The following RCBTB1 variants were observed in gnomAD, a reference collection of about 807,000 sequenced individuals.
RCBTB1 encodes the protein RCC1 and BTB domain-containing protein 1.
Under a neutral mutation model 62.4 loss-of-function variants are expected in RCBTB1, and 46 were observed. The observed-to-expected ratio is 0.74, with a 90% CI of 0.58 to 0.94. The LOEUF is 0.94. RCBTB1 is among the 40% of genes least tolerant of loss of function. The pLI is 0.00. For missense variants in RCBTB1, 565 were observed against 654.9 expected (o/e 0.86, Z 1.50); for synonymous variants, 222 against 245.8 (o/e 0.90, Z 0.91).
At chr13:49,569,092 C>T (rs1254135510) in intron 2 of RCBTB1, among the ~76,000 whole-genome samples, 3 of 152,246 alleles carry the variant, frequency 2.0e-5, no homozygotes, top group Admixed American at 1.3e-4. Flanking sequence ...GTGGCAGAGT[C>T]GGGATCTGCA....
intron 2 of RCBTB1, among the ~76,000 whole-genome samples, chr13:49,568,778 A>C (rs1249028442): frequency 6.6e-6 from 1 of 152,050 alleles, no homozygotes; most frequent in Non-Finnish European, 1.5e-5. Flanking sequence ...AAAATACAAA[A>C]ATTAGCTGGG....
chr13:49,556,948 C>T (rs1327584294), intron 5 of RCBTB1, among the ~76,000 whole-genome samples: 2 of 152,156 alleles, frequency 1.3e-5, no homozygotes, highest in African/African-American at 4.8e-5. Flanking sequence ...ATCACATTCC[C>T]TTGCAGTGCT....
chr13:49,571,256 G>A (rs112387346), intron 2 of RCBTB1, among the ~76,000 whole-genome samples: 1 of 152,126 alleles, frequency 6.6e-6, no homozygotes, highest in African/African-American at 2.4e-5. Flanking sequence ...TGAGGCAGGA[G>A]AATCGCTTGA....
At chr13:49,536,769 C>T (rs147396015) in intron 12 of RCBTB1, among the ~76,000 whole-genome samples, 7 of 152,166 alleles carry the variant, frequency 4.6e-5, no homozygotes, top group Admixed American at 3.9e-4. Context: ...CTGTTTATGA[C>T]GTTATGTGGC....
chr13:49,584,937 A>G (rs1359542), intron 1 of RCBTB1, among the ~76,000 whole-genome samples: 126,955 of 152,124 alleles, frequency 0.83, 53,136 homozygotes, highest in East Asian at 0.89. Context: ...CCTGGATAAA[A>G]GTCCTCACTA....
rs911403655 is a variant in RCBTB1 at position 49,549,704 on chromosome 13, C to T, written c.855-56G>A. On this transcript the variant is annotated intron_variant, in intron 8 of 12. Coordinates refer to ENST00000378302, the MANE Select transcript of RCBTB1 (RefSeq NM_018191.4). ...TTCATGATCACAGAAGCCCACAGCA[C>T]ACCACACAAGGCAATTTAAAAGTTC... The T allele has an allele frequency of 1.3e-5, 20 of 1,546,218 alleles. No individual in the cohort carries two copies. In the Admixed American group the frequency reaches 2.1e-4, roughly 16 times the overall value.
chr13:49,540,357 A>T (rs1960252137), intron 12 of RCBTB1, among the ~76,000 whole-genome samples: 1 of 152,216 alleles, frequency 6.6e-6, no homozygotes, highest in Non-Finnish European at 1.5e-5. Context: ...TGTGAATCTC[A>T]GATTAAGAAC....
intron 12 of RCBTB1, 33 bp from the exon 13 acceptor site, chr13:49,534,295 GCT>G: frequency 6.3e-7 from 1 of 1,596,394 alleles, no homozygotes; most frequent in East Asian, 2.3e-5. Context: ...AACAAAAATG[GCT>G]TTTTTAGGCA....
intron 12 of RCBTB1, among the ~76,000 whole-genome samples, chr13:49,534,518 A>G (rs1959788215): frequency 6.6e-6 from 1 of 152,054 alleles, no homozygotes; most frequent in Admixed American, 6.5e-5. Context: ...GCGCGCGCAC[A>G]CACACACACA....
intron 6 of RCBTB1, 75 bp from the exon 7 acceptor site, chr13:49,552,360 A>C: frequency 1.2e-6 from 1 of 830,832 alleles, no homozygotes; most frequent in Non-Finnish European, 1.9e-6. Flanking sequence ...AAACCAGCCC[A>C]TCTAAACAAA....
intron 9 of RCBTB1, among the ~76,000 whole-genome samples, chr13:49,548,607 T>C (rs1961033309): frequency 6.7e-6 from 1 of 149,486 alleles, no homozygotes; most frequent in Admixed American, 6.6e-5. Context: ...ATATATATAA[T>C]GGAATATTAT....
At chr13:49,550,567 T>G (rs532787902) in intron 8 of RCBTB1, 1 of 298,590 alleles carries the variant, frequency 3.3e-6, no homozygotes, top group Non-Finnish European at 5.0e-6. Flanking sequence ...ACAGATAATG[T>G]CCTTTCAAGA....
chr13:49,534,910 T>C (rs1439123141), intron 12 of RCBTB1, among the ~76,000 whole-genome samples: 5 of 152,190 alleles, frequency 3.3e-5, no homozygotes, highest in South Asian at 2.1e-4. Context: ...GGTGGATGCC[T>C]GTAATCCCAG....
At chr13:49,562,514 CAA>C (rs55875979) in intron 4 of RCBTB1, among the ~76,000 whole-genome samples, 17,266 of 115,448 alleles carry the variant, frequency 0.15, 1,079 homozygotes, top group South Asian at 0.26. Flanking sequence ...GACCCTGTCT[CAA>C]AAAAAAAAAA....
At chr13:49,559,877 TG>T (rs775088372) in intron 5 of RCBTB1, 40 bp downstream of exon 5, 3 of 1,527,806 alleles carry the variant, frequency 2.0e-6, no homozygotes, top group Non-Finnish European at 2.7e-6. Flanking sequence ...TTTACTATGA[TG>T]AAAAAAAAAA....
intron 2 of RCBTB1, among the ~76,000 whole-genome samples, chr13:49,574,530 GT>G (rs1407129237): frequency 6.6e-6 from 1 of 152,152 alleles, no homozygotes; most frequent in Non-Finnish European, 1.5e-5. Context: ...GCTGTTAGAA[GT>G]TTTAAGATGT....
At chr13:49,536,248 T>A (rs1456708134) in intron 12 of RCBTB1, among the ~76,000 whole-genome samples, 1 of 152,144 alleles carries the variant, frequency 6.6e-6, no homozygotes, top group Non-Finnish European at 1.5e-5. Flanking sequence ...ATCTGGGTTG[T>A]GTAAGTAACT....
chr13:49,566,817 T>C (rs1215571492), intron 3 of RCBTB1, 49 bp from the exon 4 acceptor site: 5 of 1,534,188 alleles, frequency 3.3e-6, no homozygotes, highest in Non-Finnish European at 4.4e-6. Context: ...GAAAGCTGTA[T>C]TAAAAGCTCC....
In RCBTB1 at chr13:49,569,355, C is replaced by T. The variant is rs529237911; in HGVS notation, c.-41-2035G>A. On this transcript the variant is annotated intron_variant, in intron 2 of 12. Transcript: ENST00000378302. ...ATGGGAGCCCAAGCCGGAAGGACTG[C>T]TTGAGCCCAGCAGTTTGAGACCAGC... is the stretch of plus-strand genomic sequence containing the variant. Among the ~76,000 whole-genome samples the T allele has an allele frequency of 2.0e-5, 3 of 152,226 alleles. No homozygotes were observed. The East Asian group carries it at 5.8e-4, about 29-fold the overall frequency.
Sources: allele counts gnomAD v4.1 joint callset (sites outside exome capture counted in the v4.1 genomes callset), GRCh38; gene constraint gnomAD v4.1.1; transcripts MANE v1.5; gene names NCBI Gene and HGNC (gene_info 2026-07-23, HGNC 2026-07-21).